The following VPS53 variants were observed in gnomAD, a reference collection of about 807,000 sequenced individuals.
VPS53 encodes the protein vacuolar protein sorting-associated protein 53 homolog.
A neutral mutation model predicts 107.0 loss-of-function variants in VPS53; 70 were observed. The ratio of observed to expected loss-of-function variants is 0.65; its 90% CI spans 0.54 to 0.80. The LOEUF (loss-of-function observed/expected upper bound fraction) is 0.80. Among genes scored for constraint, VPS53 ranks in the 30% least tolerant of loss-of-function variants. VPS53 has a pLI of 0.00. For synonymous variants in VPS53, 409 were observed against 393.3 expected, an observed-to-expected ratio of 1.04 and a Z score of -0.47; for missense variants, 917 against 1,049.4, an observed-to-expected ratio of 0.87 and a Z score of 1.74.
At chr17:606,886 T>G (rs1421926666) in intron 11 of VPS53, among the ~76,000 whole-genome samples, 1 of 5,290 alleles carries the variant, frequency 1.9e-4, no homozygotes, top group African/African-American at 9.7e-4. Context: ...CACCCCCACC[T>G]CTGGAAAAAC....
intron 19 of VPS53, among the ~76,000 whole-genome samples, chr17:526,636 G>A (rs1009997152): frequency 1.3e-5 from 2 of 151,384 alleles, no homozygotes; most frequent in African/African-American, 4.9e-5. Flanking sequence ...GAGACATTGG[G>A]CAAGGGGTGG....
Position 562,595 on chromosome 17 carries a change from G to A in VPS53, c.1464C>T (p.Leu488=), listed in dbSNP as rs763649088. Residue 488 remains leucine, a synonymous_variant, in exon 14 of 22, where the codon CTC becomes CTT. Transcript: ENST00000437048. ...YKKCMVQCSQ[L]STGEPMIALT... ...GGGCGATCATGGGCTCCCCAGTACTGAGCTGAGAGCATTGCACCATGCACT... is the reference window on the plus strand; with the variant it reads ...GGGCGATCATGGGCTCCCCAGTACTAAGCTGAGAGCATTGCACCATGCACT... The A allele has an allele frequency of 9.9e-6, 16 of 1,613,962 alleles. No homozygotes were observed. Among genetic ancestry groups the A allele is most frequent in the South Asian group, 3.3e-5 (3 of 91,044 alleles).
At position 596,370 on chromosome 17, in the gene VPS53, CA is replaced by C. The variant is rs1267488640; in HGVS notation, c.1218+5424del. On this transcript the variant is annotated intron_variant, in intron 12 of 21. Coordinates refer to ENST00000437048, the MANE Select transcript of VPS53 (RefSeq NM_001128159.3). Reference sequence around the variant, plus strand: ...AACGAACTCATCTTGTTCAGTCTGCCACAGGCCCTGCCCTTGATGACGTCCC... The same window carrying C: ...AACGAACTCATCTTGTTCAGTCTGCCCAGGCCCTGCCCTTGATGACGTCCC... 9.7e-4 allele frequency among the ~76,000 whole-genome samples: 147 copies of C among 152,228 alleles called. 1 individual carries two copies. Among genetic ancestry groups the C allele is most frequent in the Middle Eastern group, 3.4e-3 (1 of 294 alleles).
intron 12 of VPS53, among the ~76,000 whole-genome samples, chr17:600,264 G>GCA (rs1968266516): frequency 6.6e-6 from 1 of 152,200 alleles, no homozygotes; most frequent in Non-Finnish European, 1.5e-5. Flanking sequence ...GTGTTTAACT[G>GCA]CACAATTTCG....
chr17:591,563 A>G (rs1248913966), intron 12 of VPS53, among the ~76,000 whole-genome samples: 2 of 152,020 alleles, frequency 1.3e-5, no homozygotes, highest in Non-Finnish European at 2.9e-5. Flanking sequence ...TGTCCCAGAG[A>G]TTCTGGTATG....
intron 13 of VPS53, among the ~76,000 whole-genome samples, chr17:563,474 A>T (rs1213092755): frequency 6.6e-6 from 1 of 151,832 alleles, no homozygotes; most frequent in Non-Finnish European, 1.5e-5. Flanking sequence ...TTTTATTTTC[A>T]GTAGAGACAG....
chr17:570,212 AG>A (rs898368211), intron 13 of VPS53, among the ~76,000 whole-genome samples: 4 of 151,864 alleles, frequency 2.6e-5, no homozygotes, highest in Non-Finnish European at 5.9e-5. Flanking sequence ...ACTAAAAAAA[AG>A]ACAAAAATTA....
At chr17:704,066 C>A (rs1973312067) in intron 2 of VPS53, among the ~76,000 whole-genome samples, 1 of 152,124 alleles carries the variant, frequency 6.6e-6, no homozygotes, top group South Asian at 2.1e-4. Context: ...CCATATAACT[C>A]TTTTCTCAAA....
chr17:534,792 C>A (rs559594482), intron 18 of VPS53, among the ~76,000 whole-genome samples: 1 of 152,164 alleles, frequency 6.6e-6, no homozygotes, highest in Admixed American at 6.5e-5. Context: ...GTGGCGAGCG[C>A]CTGTAATCCC....
chr17:674,409 C>T (rs1972076507), intron 4 of VPS53: 1 of 152,222 alleles, frequency 6.6e-6, no homozygotes, highest in South Asian at 2.1e-4. Context: ...CATCCTTTTG[C>T]GTGACATCTG....
intron 19 of VPS53, 58 bp downstream of exon 19, chr17:532,784 T>C: frequency 6.2e-7 from 1 of 1,603,050 alleles, no homozygotes; most frequent in South Asian, 1.1e-5. Context: ...TAGAAGAATA[T>C]GTGCTTGATC....
At chr17:677,306 G>C (rs1403472232) in intron 4 of VPS53, among the ~76,000 whole-genome samples, 2 of 152,166 alleles carry the variant, frequency 1.3e-5, no homozygotes, top group Admixed American at 1.3e-4. Flanking sequence ...CTACAACGTG[G>C]ATGAATCCTG....
At chr17:634,844 C>T (rs372024554) in intron 7 of VPS53, among the ~76,000 whole-genome samples, 2,344 of 149,188 alleles carry the variant, frequency 0.016, 24 homozygotes, top group Middle Eastern at 0.031. Flanking sequence ...TGAATAGTGC[C>T]GCAATAAACA....
chr17:562,734 T>A lies in VPS53; in HGVS notation c.1325A>T (p.Glu442Val). 1 of 1,608,070 alleles carries A rather than the reference T, an allele frequency of 6.2e-7. No individual in the cohort carries two copies. The highest frequency in any genetic ancestry group is 8.5e-7 in the Non-Finnish European group (1 of 1,177,452). ...YIESQDKNLG[E>V]LIDRFVADFK... ...ATCAGCCACAAACCGATCTATCAGC[T>A]CTCCGAGGTTCCTAGGAGGAAAAAA... Residue 442 changes from glutamate to valine, a missense_variant, in exon 14 of 22, where the codon GAG becomes GTG. Glu to Val is a moderately radical substitution (Grantham distance 121). Coordinates refer to ENST00000437048, the MANE Select transcript of VPS53 (RefSeq NM_001128159.3).
intron 7 of VPS53, among the ~76,000 whole-genome samples, chr17:642,215 C>T (rs1263804122): frequency 1.3e-5 from 2 of 152,204 alleles, no homozygotes. Flanking sequence ...CAAACAGACA[C>T]CATAAAGAAT....
intron 4 of VPS53, among the ~76,000 whole-genome samples, chr17:662,531 T>C (rs1231173814): frequency 6.6e-6 from 1 of 151,458 alleles, no homozygotes; most frequent in East Asian, 1.9e-4. Context: ...CTACTAAAAA[T>C]ACAAAAAACT....
intron 4 of VPS53, among the ~76,000 whole-genome samples, chr17:686,282 T>G (rs753429174): frequency 5.3e-5 from 8 of 151,796 alleles, no homozygotes; most frequent in Non-Finnish European, 4.4e-5. Context: ...ATCCTGCCAT[T>G]ACATTCCAGC....
chr17:552,924 C>T (rs943573753), intron 16 of VPS53: 4 of 381,294 alleles, frequency 1.0e-5, no homozygotes, highest in South Asian at 5.0e-5. Context: ...AAGGTATATA[C>T]GTGCCGCACG....
chr17:523,047 G>A (rs1020426814), intron 19 of VPS53: 4 of 152,082 alleles, frequency 2.6e-5, no homozygotes, highest in African/African-American at 7.3e-5. Flanking sequence ...TTCCATTTCC[G>A]GTTGCCCAGG....
Sources: allele counts gnomAD v4.1 joint callset (sites outside exome capture counted in the v4.1 genomes callset), GRCh38; gene constraint gnomAD v4.1.1; transcripts MANE v1.5; gene names NCBI Gene and HGNC (gene_info 2026-07-23, HGNC 2026-07-21).